ASIC2: variants seen among roughly 807,000 people sequenced by gnomAD.
The protein encoded by ASIC2 is acid sensing ion channel subunit 2.
A neutral mutation model predicts 57.3 loss-of-function variants in ASIC2; 25 were observed. The observed-to-expected ratio is 0.44, with a 90% confidence interval of 0.32 to 0.61. The LOEUF (loss-of-function observed/expected upper bound fraction) is 0.61, where lower values mean the gene tolerates loss of function less well. Ranked by LOEUF, ASIC2 falls within the 20% of genes least tolerant of loss-of-function variation. The probability of loss-of-function intolerance (pLI) is 0.06; values close to 1 mark genes in which losing one functional copy is unlikely to be tolerated. For synonymous variants in ASIC2, 319 were observed against 307.5 expected (o/e 1.04, Z -0.39); for missense variants, 641 against 738.1 (o/e 0.87, Z 1.52).
At chr17:33,890,421 T>C (rs1424350766) in intron 1 of ASIC2, among the ~76,000 whole-genome samples, 1 of 152,228 alleles carries the variant, frequency 6.6e-6, no homozygotes, top group Non-Finnish European at 1.5e-5. Context: ...CCAATAATAG[T>C]GGAAACCAAC....
intron 3 of ASIC2, among the ~76,000 whole-genome samples, chr17:33,045,394 C>T (rs1253816054): frequency 6.6e-6 from 1 of 152,190 alleles, no homozygotes; most frequent in Non-Finnish European, 1.5e-5. Flanking sequence ...GCGCCGGAAG[C>T]ATGTTCCCAG....
intron 1 of ASIC2, among the ~76,000 whole-genome samples, chr17:33,674,638 G>C (rs1409280723): frequency 6.6e-6 from 1 of 152,214 alleles, no homozygotes. Flanking sequence ...GAGAGATGAA[G>C]TGACCTGTCC....
At chr17:34,038,959 T>C in intron 1 of ASIC2, 2 of 1,613,770 alleles carry the variant, frequency 1.2e-6, no homozygotes, top group Non-Finnish European at 1.7e-6. Flanking sequence ...TAAATTTGGC[T>C]CCGTGTCGGA....
In ASIC2 at chr17:33,934,130, T is replaced by C. The variant is rs1916006199; in HGVS notation, c.555+221848A>G. Among the ~76,000 whole-genome samples, 4 of 152,166 alleles carry C rather than the reference T, an allele frequency of 2.6e-5. No homozygotes were observed. In the South Asian group the frequency reaches 8.3e-4, roughly 32 times the overall value. On this transcript the variant is annotated intron_variant, in intron 1 of 9. Coordinates refer to the ASIC2 transcript ENST00000359872. Reference sequence around the variant, plus strand: ...GCCCTTCTGAGACAGAAGGTCACGGTGGCTGAGAAGCTGAACTTCCCAGGA... The same window carrying C: ...GCCCTTCTGAGACAGAAGGTCACGGCGGCTGAGAAGCTGAACTTCCCAGGA...
chr17:33,128,684 G>A (rs1049427621), intron 1 of ASIC2, among the ~76,000 whole-genome samples: 1 of 152,170 alleles, frequency 6.6e-6, no homozygotes, highest in Non-Finnish European at 1.5e-5. Context: ...GGGTACCCCT[G>A]GGGAAAGGAC....
intron 1 of ASIC2, among the ~76,000 whole-genome samples, chr17:33,663,953 G>A (rs567083322): frequency 1.3e-5 from 2 of 152,272 alleles, no homozygotes; most frequent in African/African-American, 4.8e-5. Flanking sequence ...ACCCAGGGCT[G>A]TGTGAATTCT....
At chr17:33,753,337 G>A (rs1243645751) in intron 1 of ASIC2, among the ~76,000 whole-genome samples, 2 of 152,110 alleles carry the variant, frequency 1.3e-5, no homozygotes, top group African/African-American at 2.4e-5. Context: ...AAGCTTGGGG[G>A]TGGGAGTCTT....
At chr17:33,950,954 T>A (rs1904542649) in intron 1 of ASIC2, among the ~76,000 whole-genome samples, 1 of 152,202 alleles carries the variant, frequency 6.6e-6, no homozygotes, top group African/African-American at 2.4e-5. Flanking sequence ...TTCAGAGGTA[T>A]GATTTAGTCC....
intron 1 of ASIC2, among the ~76,000 whole-genome samples, chr17:33,330,424 G>A (rs1351603137): frequency 6.6e-6 from 1 of 152,154 alleles, no homozygotes; most frequent in African/African-American, 2.4e-5. Flanking sequence ...AGGATCAGAA[G>A]AATAAAGTCT....
chr17:33,561,328 T>C (rs968144826), intron 1 of ASIC2, among the ~76,000 whole-genome samples: 4 of 152,170 alleles, frequency 2.6e-5, no homozygotes, highest in African/African-American at 9.7e-5. Flanking sequence ...GCTTGGGTTT[T>C]AAAAATCAAT....
At chr17:34,038,712 T>C (rs1405061444) in intron 1 of ASIC2, 5 of 1,604,086 alleles carry the variant, frequency 3.1e-6, no homozygotes, top group Non-Finnish European at 1.7e-6. Context: ...AATCTGAGTT[T>C]GAAGATTTCT....
intron 1 of ASIC2, among the ~76,000 whole-genome samples, chr17:33,347,301 G>C (rs1434307243): frequency 6.6e-6 from 1 of 152,202 alleles, no homozygotes; most frequent in Non-Finnish European, 1.5e-5. Flanking sequence ...TCAAGTATGT[G>C]ATAAGGATCG....
intron 1 of ASIC2, among the ~76,000 whole-genome samples, chr17:34,073,949 G>A (rs894500713): frequency 2.6e-5 from 4 of 152,168 alleles, no homozygotes; most frequent in African/African-American, 9.7e-5. Flanking sequence ...GGCTCTAAAT[G>A]TCTCTCTCCA....
At chr17:33,372,134 A>C (rs1002665089) in intron 1 of ASIC2, among the ~76,000 whole-genome samples, 1 of 152,108 alleles carries the variant, frequency 6.6e-6, no homozygotes, top group African/African-American at 2.4e-5. Flanking sequence ...GGGCTGAGCC[A>C]GCTCAAATAC....
intron 1 of ASIC2, among the ~76,000 whole-genome samples, chr17:33,397,440 T>A (rs1910118979): frequency 6.6e-6 from 1 of 152,210 alleles, no homozygotes; most frequent in Admixed American, 6.5e-5. Flanking sequence ...CAGGGGACCT[T>A]ACATGCAGCA....
intron 1 of ASIC2, among the ~76,000 whole-genome samples, chr17:33,321,475 G>A (rs1307646687): frequency 2.0e-5 from 3 of 152,026 alleles, no homozygotes; most frequent in African/African-American, 7.2e-5. Context: ...AAATATAAAG[G>A]CCTGCTTATT....
At chr17:33,579,340 A>G (rs987439846) in intron 1 of ASIC2, among the ~76,000 whole-genome samples, 1 of 151,148 alleles carries the variant, frequency 6.6e-6, no homozygotes, top group South Asian at 2.1e-4. Flanking sequence ...CTCAGGGCAC[A>G]CTGGAACACG....
chr17:33,307,132 T>C (rs747054332), intron 1 of ASIC2, among the ~76,000 whole-genome samples: 1 of 152,200 alleles, frequency 6.6e-6, no homozygotes, highest in Non-Finnish European at 1.5e-5. Flanking sequence ...TAAAGCCTCT[T>C]GCTTTCCCAA....
At chr17:33,362,318 C>T (rs536990620) in intron 1 of ASIC2, among the ~76,000 whole-genome samples, 17 of 152,266 alleles carry the variant, frequency 1.1e-4, no homozygotes, top group South Asian at 2.1e-4. Flanking sequence ...ATGCCAGAGA[C>T]GTGTGGCTAA....
Sources: gnomAD v4.1 joint callset for allele counts (sites outside exome capture counted in the v4.1 genomes callset) on GRCh38, gnomAD v4.1.1 for gene constraint, MANE v1.5 for transcripts, NCBI Gene and HGNC (gene_info 2026-07-23, HGNC 2026-07-21) for gene names.